The following SGCD variants were observed in gnomAD, a reference collection of about 807,000 sequenced individuals.
SGCD encodes sarcoglycan delta, also known as delta-sarcoglycan.
SGCD carries 18 observed loss-of-function variants against 36.6 expected under a neutral mutation model. The observed-to-expected ratio is 0.49, with a 90% CI of 0.34 to 0.73. The LOEUF (loss-of-function observed/expected upper bound fraction) is 0.73. Ranked by LOEUF, SGCD falls within the 30% of genes least tolerant of loss-of-function variation. The pLI is 0.01. For missense variants in SGCD, 387 were observed against 346.7 expected, an observed-to-expected ratio of 1.12 and a Z score of -0.92; for synonymous variants, 133 against 130.6, an observed-to-expected ratio of 1.02 and a Z score of -0.12.
Position 156,757,990 on chromosome 5 carries a change from C to T in SGCD, c.699+286C>T, listed in dbSNP as rs1268394015. 19 of 1,219,178 alleles carry T rather than the reference C, an allele frequency of 1.6e-5. No homozygotes were observed. The South Asian group carries it at 5.8e-4, about 37-fold the overall frequency. 75.5% of individuals were successfully genotyped at this position (1,219,178 alleles called of 1,614,324 possible). A position where few individuals can be genotyped will look rare whatever the true frequency, so the allele number is the denominator to read the frequency against. ...GCTATTTTCAAATTCTCTCTTGTCA[C>T]CTTAAAATAAGATTTTGTTAGCCAA... On this transcript the variant is annotated intron_variant, in intron 8 of 8. Coordinates refer to ENST00000337851, the MANE Select transcript of SGCD (RefSeq NM_000337.6).
chr5:155,852,757 C>T, the SGCD span, among the ~76,000 whole-genome samples: 5 of 152,086 alleles, frequency 3.3e-5, no homozygotes, highest in Non-Finnish European at 5.9e-5. Context: ...TATGCTTTAG[C>T]GTGCATCTTT....
At chr5:156,462,936 A>G (rs1754551445) in intron 3 of SGCD, among the ~76,000 whole-genome samples, 1 of 152,190 alleles carries the variant, frequency 6.6e-6, no homozygotes, top group Admixed American at 6.5e-5. Context: ...GACAATTATA[A>G]TTAATATGAA....
chr5:156,596,129 C>T (rs905407374), intron 6 of SGCD, among the ~76,000 whole-genome samples: 1 of 152,182 alleles, frequency 6.6e-6, no homozygotes, highest in Non-Finnish European at 1.5e-5. Context: ...GTTACATCCA[C>T]TTATCAGAGC....
intron 4 of SGCD, among the ~76,000 whole-genome samples, chr5:156,512,757 T>C (rs1412312562): frequency 6.6e-6 from 1 of 152,100 alleles, no homozygotes; most frequent in African/African-American, 2.4e-5. Flanking sequence ...TCCATTTTAA[T>C]CCCCCCATCC....
At chr5:156,694,446 T>A (rs553647210) in intron 7 of SGCD, among the ~76,000 whole-genome samples, 92 of 152,344 alleles carry the variant, frequency 6.0e-4, no homozygotes, top group African/African-American at 2.1e-3. Flanking sequence ...GTCTGTATAG[T>A]GCTTTACAAT....
At chr5:156,197,396 T>C (rs1055930318) in intron 3 of SGCD, among the ~76,000 whole-genome samples, 1 of 151,894 alleles carries the variant, frequency 6.6e-6, no homozygotes, top group Non-Finnish European at 1.5e-5. Context: ...GTTAATTTTT[T>C]AAAAAGCATA....
intron 7 of SGCD, among the ~76,000 whole-genome samples, chr5:156,671,344 C>T (rs1241643684): frequency 6.8e-6 from 1 of 147,452 alleles, no homozygotes; most frequent in East Asian, 2.0e-4. Context: ...TCAATTTTGG[C>T]TCACTGCAAC....
At chr5:156,035,307 CT>C (rs1253362392) in intron 1 of SGCD, among the ~76,000 whole-genome samples, 1 of 152,136 alleles carries the variant, frequency 6.6e-6, no homozygotes, top group Non-Finnish European at 1.5e-5. Flanking sequence ...GTAATTTTGT[CT>C]GCCTGAAAAG....
intron 3 of SGCD, among the ~76,000 whole-genome samples, chr5:156,306,432 T>C (rs1270678029): frequency 6.6e-6 from 1 of 152,240 alleles, no homozygotes; most frequent in African/African-American, 2.4e-5. Flanking sequence ...TCCCCAGCCA[T>C]GTGGAACTGT....
intron 3 of SGCD, among the ~76,000 whole-genome samples, chr5:156,359,513 C>A (rs1039011683): frequency 6.6e-6 from 1 of 152,162 alleles, no homozygotes; most frequent in Admixed American, 6.5e-5. Flanking sequence ...AAGCCACTTT[C>A]CTAAGGTTGC....
At chr5:156,610,686 C>T (rs1761752657) in intron 6 of SGCD, among the ~76,000 whole-genome samples, 2 of 152,350 alleles carry the variant, frequency 1.3e-5, no homozygotes, top group Middle Eastern at 3.4e-3. Flanking sequence ...GCGGTGGGCT[C>T]CACCCAGTTC....
At chr5:156,123,398 T>C (rs975425189) in intron 2 of SGCD, among the ~76,000 whole-genome samples, 20 of 152,028 alleles carry the variant, frequency 1.3e-4, no homozygotes, top group Admixed American at 5.2e-4. Context: ...CGCAGTAAGA[T>C]TGGTACCTTA....
At chr5:156,198,072 C>T (rs62380741) in intron 3 of SGCD, among the ~76,000 whole-genome samples, 33,449 of 151,964 alleles carry the variant, frequency 0.22, 4,284 homozygotes, top group East Asian at 0.59. Context: ...ATAGTGCGAA[C>T]TTTAAAATTC....
chr5:156,023,148 C>A (rs1759145899), intron 1 of SGCD, among the ~76,000 whole-genome samples: 1 of 152,198 alleles, frequency 6.6e-6, no homozygotes, highest in South Asian at 2.1e-4. Flanking sequence ...ATGATGACAT[C>A]CCTGTCTTGG....
intron 1 of SGCD, among the ~76,000 whole-genome samples, chr5:155,875,405 G>A (rs1436757990): frequency 6.6e-6 from 1 of 152,044 alleles, no homozygotes; most frequent in Non-Finnish European, 1.5e-5. Context: ...GTCAGTTATA[G>A]CTCAACAAAT....
chr5:155,764,651 G>A, the SGCD span, among the ~76,000 whole-genome samples: 1 of 152,094 alleles, frequency 6.6e-6, no homozygotes, highest in African/African-American at 2.4e-5. Context: ...GTGGCCAGAG[G>A]GGGTCACAAG....
At chr5:156,236,797 A>G (rs376348688) in intron 3 of SGCD, among the ~76,000 whole-genome samples, 1 of 151,512 alleles carries the variant, frequency 6.6e-6, no homozygotes, top group South Asian at 2.1e-4. Flanking sequence ...CACCAAAGGA[A>G]CAAGGTTGTA....
chr5:156,329,279 T>A (rs956575870), intron 1 of SGCD, among the ~76,000 whole-genome samples: 1 of 152,230 alleles, frequency 6.6e-6, no homozygotes, highest in East Asian at 1.9e-4. Flanking sequence ...ATGAAACACA[T>A]GTATTAGAAA....
intron 6 of SGCD, among the ~76,000 whole-genome samples, chr5:156,604,198 A>C (rs901349147): frequency 2.0e-5 from 3 of 151,928 alleles, no homozygotes; most frequent in African/African-American, 4.8e-5. Flanking sequence ...TTTATTTTAT[A>C]TAAGTATGGC....
Sources: gnomAD v4.1 joint callset for allele counts (sites outside exome capture counted in the v4.1 genomes callset) on GRCh38, gnomAD v4.1.1 for gene constraint, MANE v1.5 for transcripts, NCBI Gene and HGNC (gene_info 2026-07-23, HGNC 2026-07-21) for gene names.